The following NSD2 variants were observed in gnomAD, a reference collection of about 807,000 sequenced individuals.
NSD2 encodes the protein histone-lysine N-methyltransferase NSD2.
In NSD2, 12 loss-of-function variants were observed where a neutral mutation model predicts 139.0. That is an observed-to-expected ratio of 0.09 (90% CI 0.06 to 0.14). The LOEUF is 0.14. NSD2 is among the 10% of genes least tolerant of loss of function. NSD2 has a pLI of 1.00. For synonymous variants in NSD2, 669 were observed against 648.7 expected, an observed-to-expected ratio of 1.03 and a Z score of -0.48; for missense variants, 1,155 against 1,745.0, an observed-to-expected ratio of 0.66 and a Z score of 6.02.
At chr4:1,885,770 T>C (rs1443752300) in intron 1 of NSD2, among the ~76,000 whole-genome samples, 2 of 152,160 alleles carry the variant, frequency 1.3e-5, no homozygotes, top group Non-Finnish European at 2.9e-5. Context: ...GCACCGGTTC[T>C]GCAGAGCTGC....
chr4:1,953,613 T>C (rs1454171945), intron 12 of NSD2, 89 bp downstream of exon 12: 2 of 1,462,300 alleles, frequency 1.4e-6, no homozygotes, highest in Admixed American at 2.2e-5. Context: ...GCTGTTGGGA[T>C]TGTCACCAAA....
At chr4:1,892,443 C>T (rs1366532356) in intron 1 of NSD2, among the ~76,000 whole-genome samples, 1 of 152,218 alleles carries the variant, frequency 6.6e-6, no homozygotes, top group Non-Finnish European at 1.5e-5. Flanking sequence ...TCAGGTAATA[C>T]TGTATATATT....
rs1383119383 is a variant in NSD2 at position 1,951,141 on chromosome 4, G to C, written c.1951G>C (p.Val651Leu). The C allele has an allele frequency of 1.2e-6, 2 of 1,614,126 alleles. No individual in the cohort carries two copies. The highest frequency in any genetic ancestry group is 2.7e-5 in the African/African-American group (2 of 74,946). The change falls in exon 10 of 22, where the codon GTA becomes CTA. Residue 651 changes from valine (V) to leucine (L), a missense_variant. Physicochemically the swap from Val to Leu is conservative, Grantham distance 32 (BLOSUM62 1). Transcript: ENST00000508803. ...YESADETQTEVSVSSKKSERG... is the reference protein window; with the variant it reads ...YESADETQTELSVSSKKSERG... The stretch of plus-strand genomic sequence containing the variant: ...AAGTGCAGACGAAACACAAACTGAA[G>C]TATCTGTCTCATCCAAAAAGTCTGA...
chr4:1,933,781 T>A (rs1305731880), intron 6 of NSD2, among the ~76,000 whole-genome samples: 1 of 152,198 alleles, frequency 6.6e-6, no homozygotes, highest in Non-Finnish European at 1.5e-5. Flanking sequence ...TGGATTTATA[T>A]TTAAAATAAA....
intron 5 of NSD2, among the ~76,000 whole-genome samples, chr4:1,927,400 G>A (rs1721055613): frequency 6.6e-6 from 1 of 152,034 alleles, no homozygotes; most frequent in Non-Finnish European, 1.5e-5. Context: ...GCTGAATCCT[G>A]AAAGCAAAAG....
chr4:1,975,594 G>A (rs1313103136), intron 20 of NSD2, 194 bp downstream of exon 20: 10 of 572,126 alleles, frequency 1.7e-5, no homozygotes, highest in South Asian at 1.5e-4. Context: ...CTCACTGAAC[G>A]TGTTTCCTGG....
Position 1,982,178 on chromosome 4 carries a change from A to G in NSD2, c.*3269A>G, listed in dbSNP as rs1727834304. ...TTGTGTATGAGTATTTTTGTATTAA[A>G]AACATTTTAAAGGCTTTTTTCTTAA... On this transcript the variant is annotated 3_prime_UTR_variant, in exon 22 of 22. Transcript: ENST00000508803. The G allele has an allele frequency of 2.7e-6, 1 of 376,508 alleles. No homozygotes were observed. The highest frequency in any genetic ancestry group is 1.5e-4 in the South Asian group (1 of 6,830). The allele number at this position is 376,508 out of a possible 1,614,324, so 23.3% of individuals were successfully genotyped here.
Position 1,918,462 on chromosome 4 carries a change from G to A in NSD2, c.1249G>A (p.Asp417Asn), listed in dbSNP as rs745921448. ...TGCAGAGACCCTGGAGAGTCACCCC[G>A]ACATAGGGAAGAGTACTCCTCAAAA... ...SSAETLESHP[D>N]IGKSTPQKTA... The change falls in exon 5 of 22, where the codon GAC (aspartate) becomes AAC (asparagine). Residue 417 changes from aspartate (D) to asparagine (N), a missense_variant. Physicochemically the swap from Asp to Asn is conservative, Grantham distance 23. This residue lies in a region of NSD2 where 420 missense variants were observed against 469.0 expected (regional missense o/e 0.90). Transcript: ENST00000508803. 24 of 1,613,914 alleles carry A rather than the reference G, an allele frequency of 1.5e-5. No homozygotes were observed. Among genetic ancestry groups the A allele is most frequent in the Middle Eastern group, 1.6e-4 (1 of 6,084 alleles).
At chr4:1,938,986 A>T (rs1010394964) in intron 8 of NSD2, among the ~76,000 whole-genome samples, 1 of 152,222 alleles carries the variant, frequency 6.6e-6, no homozygotes, top group African/African-American at 2.4e-5. Context: ...ATGAAAAATA[A>T]TTGTCAAAAA....
At chr4:1,935,327 T>G in intron 7 of NSD2, 65 bp downstream of exon 7, 1 of 1,275,800 alleles carries the variant, frequency 7.8e-7, no homozygotes, top group Non-Finnish European at 1.1e-6. Context: ...GGTGCCACTG[T>G]TTCCCTGCAT....
At chr4:1,934,423 G>T (rs570459575) in intron 6 of NSD2, among the ~76,000 whole-genome samples, 1 of 151,802 alleles carries the variant, frequency 6.6e-6, no homozygotes, top group East Asian at 1.9e-4. Flanking sequence ...CTATCAGGAG[G>T]CAGAGGTTGC....
chr4:1,918,692 C>T (rs1009213573), intron 5 of NSD2, 69 bp downstream of exon 5: 1 of 1,567,256 alleles, frequency 6.4e-7, no homozygotes, highest in Non-Finnish European at 8.7e-7. Context: ...AGTGCAGAAT[C>T]ATCTGTTTCT....
intron 12 of NSD2, 39 bp downstream of exon 12, chr4:1,953,563 T>C: frequency 6.4e-7 from 1 of 1,565,244 alleles, no homozygotes; most frequent in Non-Finnish European, 8.6e-7. Context: ...TGGGTTCAGA[T>C]GCAGGCCAGA....
chr4:1,904,766 A>C (rs1275200465), intron 3 of NSD2, among the ~76,000 whole-genome samples: 6 of 152,238 alleles, frequency 3.9e-5, no homozygotes, highest in Non-Finnish European at 7.3e-5. Context: ...AAACACTGGA[A>C]GTGATCATCT....
At chr4:1,944,301 ACTT>A in intron 9 of NSD2, 6 of 1,066,228 alleles carry the variant, frequency 5.6e-6, no homozygotes, top group Non-Finnish European at 6.8e-6. Context: ...GTTTGAAAGA[ACTT>A]AGGGAGGACC....
chr4:1,881,084 G>C (rs1714661611), intron 1 of NSD2, among the ~76,000 whole-genome samples: 1 of 152,114 alleles, frequency 6.6e-6, no homozygotes. Flanking sequence ...GGTTATTTGT[G>C]GTTACATCAG....
At chr4:1,905,682 C>T (rs1254150120) in intron 3 of NSD2, among the ~76,000 whole-genome samples, 3 of 152,190 alleles carry the variant, frequency 2.0e-5, no homozygotes, top group African/African-American at 7.2e-5. Flanking sequence ...TCTGCCGAGT[C>T]CTGGGTGCCC....
Position 1,937,302 on chromosome 4 carries a change from C to T in NSD2, c.1675-1149C>T, listed in dbSNP as rs1277157105. On this transcript the variant is annotated intron_variant, in intron 7 of 21. Transcript: ENST00000508803. Reference sequence around the variant, plus strand: ...CTCCTGACCTCAAGTGATCCGCCCACCTCCACCTCCCAAAGTGCTGGGATT... The same window carrying T: ...CTCCTGACCTCAAGTGATCCGCCCATCTCCACCTCCCAAAGTGCTGGGATT... Among the ~76,000 whole-genome samples the T allele has an allele frequency of 2.0e-5, 3 of 152,276 alleles. No individual in the cohort carries two copies. In the East Asian group the frequency reaches 5.8e-4, roughly 29 times the overall value.
At chr4:1,889,598 T>C (rs1251797953) in intron 1 of NSD2, among the ~76,000 whole-genome samples, 3 of 151,424 alleles carry the variant, frequency 2.0e-5, no homozygotes, top group Non-Finnish European at 4.4e-5. Context: ...GCCTCCTGAG[T>C]TCAAGCGATT....
Sources: allele counts gnomAD v4.1 joint callset (sites outside exome capture counted in the v4.1 genomes callset), GRCh38; gene constraint gnomAD v4.1.1; regional missense constraint gnomAD v4.1.1; transcripts MANE v1.5; gene names NCBI Gene and HGNC (gene_info 2026-07-23, HGNC 2026-07-21).